Variants in STAM2 observed in about 807,000 individuals in gnomAD.
The protein encoded by STAM2 is signal transducing adapter molecule 2.
Under a neutral mutation model 65.6 loss-of-function variants are expected in STAM2, and 51 were observed. The observed-to-expected ratio is 0.78, with a 90% CI of 0.62 to 0.98. The LOEUF (loss-of-function observed/expected upper bound fraction) is 0.98, where lower values mean the gene tolerates loss of function less well. Among genes scored for constraint, STAM2 ranks in the 50% least tolerant of loss-of-function variants. The pLI, the probability that STAM2 is intolerant of heterozygous loss-of-function variation, is 0.00. For missense variants in STAM2, 584 were observed against 617.8 expected, an observed-to-expected ratio of 0.95 and a Z score of 0.58; for synonymous variants, 198 against 208.4, an observed-to-expected ratio of 0.95 and a Z score of 0.43.
chr2:152,134,381 A>C (rs1038965100), intron 8 of STAM2, among the ~76,000 whole-genome samples: 1 of 152,208 alleles, frequency 6.6e-6, no homozygotes, highest in Non-Finnish European at 1.5e-5. Flanking sequence ...TTTTAAAGGT[A>C]TCTCCAATAT....
intron 13 of STAM2, among the ~76,000 whole-genome samples, chr2:152,122,844 T>A (rs890114823): frequency 6.6e-6 from 1 of 152,124 alleles, no homozygotes; most frequent in East Asian, 1.9e-4. Context: ...AGCAGGCAGA[T>A]CCCTTGAGCT....
chr2:152,171,224 C>G (rs2105572201), intron 1 of STAM2, among the ~76,000 whole-genome samples: 2 of 151,820 alleles, frequency 1.3e-5, no homozygotes, highest in South Asian at 4.2e-4. Context: ...TTGAATGTTC[C>G]TTTCTTAAAA....
chr2:152,169,414 C>T (rs1424580049), intron 1 of STAM2, among the ~76,000 whole-genome samples: 1 of 152,000 alleles, frequency 6.6e-6, no homozygotes, highest in African/African-American at 2.4e-5. Context: ...GTAGCTCGGA[C>T]TACAGGTGCG....
chr2:152,147,018 C>T lies in STAM2; in HGVS notation c.447+144G>A, dbSNP rs1369941921. 5.4e-5 allele frequency: 37 copies of T among 683,316 alleles called. 1 individual carries two copies. Among genetic ancestry groups the T allele is most frequent in the Non-Finnish European group, 7.6e-5 (33 of 437,052 alleles). The allele number at this position is 683,316 out of a possible 1,614,324, so 42.3% of individuals were successfully genotyped here. ...CATAAAAACTAGAATGTCTACTAAA[C>T]GTAAGGAAGGCACTATGCTAGAGAG... On this transcript the variant is annotated intron_variant, in intron 5 of 13. Coordinates refer to ENST00000263904, the MANE Select transcript of STAM2 (RefSeq NM_005843.6).
At chr2:152,142,728 A>G (rs568030411) in intron 7 of STAM2, among the ~76,000 whole-genome samples, 219 of 152,316 alleles carry the variant, frequency 1.4e-3, no homozygotes, top group Non-Finnish European at 2.6e-3. Context: ...CTGTATTTCT[A>G]TCTATTCTCC....
chr2:152,123,862 T>C lies in STAM2; in HGVS notation c.1253A>G (p.Tyr418Cys). The change falls in exon 13 of 14, where the codon TAT (tyrosine) becomes TGT (cysteine). Residue 418 changes from tyrosine to cysteine, a missense_variant. Transcript: ENST00000263904. ...ACCAATTTGATCGGGTCCTAGGCTA[T>C]AGCTTTGGGCAACAGTTACTTGGTG... ...SIHQVTVAQS[Y>C]SLGPDQIGPL... The C allele has an allele frequency of 1.9e-6, 3 of 1,614,136 alleles. No homozygotes were observed. The highest frequency in any genetic ancestry group is 2.5e-6 in the Non-Finnish European group (3 of 1,179,986).
chr2:152,150,118 T>C, intron 2 of STAM2, 27 bp downstream of exon 2: 1 of 1,479,490 alleles, frequency 6.8e-7, no homozygotes, highest in Non-Finnish European at 9.4e-7. Flanking sequence ...TTCCTAGACA[T>C]TCACTGAGCA....
At chr2:152,171,744 G>C (rs984800358) in intron 1 of STAM2, among the ~76,000 whole-genome samples, 1 of 152,218 alleles carries the variant, frequency 6.6e-6, no homozygotes, top group African/African-American at 2.4e-5. Context: ...GAGTTTTGTA[G>C]AGGTAGAATT....
intron 6 of STAM2, 76 bp downstream of exon 6, chr2:152,144,812 C>G: frequency 8.0e-7 from 1 of 1,257,572 alleles, no homozygotes; most frequent in Non-Finnish European, 1.2e-6. Context: ...GCTGGGATTA[C>G]AGGCGTGAGC....
At position 152,148,017 on chromosome 2, in the gene STAM2, A is replaced by T. The variant is rs759093969; in HGVS notation, c.300+7T>A. 4.5e-5 allele frequency: 71 copies of T among 1,593,846 alleles called. No individual in the cohort carries two copies. In the South Asian group the frequency reaches 8.1e-4, roughly 18 times the overall value. On this transcript the variant is annotated splice_region_variant and intron_variant, in intron 4 of 13. Coordinates refer to ENST00000263904, the MANE Select transcript of STAM2 (RefSeq NM_005843.6). ...TGACTTAAAGTTCTTCTGTTTTTAA[A>T]ATTTACCTTATTTTTAATCACAGCA...
At chr2:152,156,666 ATATC>A (rs1026165159) in intron 1 of STAM2, among the ~76,000 whole-genome samples, 4 of 152,170 alleles carry the variant, frequency 2.6e-5, no homozygotes, top group Non-Finnish European at 5.9e-5. Flanking sequence ...AATTCCATCA[ATATC>A]TACCTACAAG....
Position 152,148,302 on chromosome 2 carries a change from T to TA in STAM2, c.126-3dup, listed in dbSNP as rs759745408. ...ATGGCTTTTAGGCAATCTTTCGCTC[T>TA]AAAAAAAAAAAGAGAGAGAGAGACA... On this transcript the variant is annotated splice_polypyrimidine_tract_variant and splice_region_variant and intron_variant, in intron 2 of 13. Transcript: ENST00000263904. The TA allele has an allele frequency of 0.047, 54,209 of 1,151,528 alleles. 3 individuals carry two copies. The highest frequency in any genetic ancestry group is 0.051 in the Non-Finnish European group (43,725 of 851,176). The allele number at this position is 1,151,528 out of a possible 1,614,324, so 71.3% of individuals were successfully genotyped here.
At chr2:152,126,718 CA>C (rs1337662215) in intron 11 of STAM2, among the ~76,000 whole-genome samples, 6 of 152,112 alleles carry the variant, frequency 3.9e-5, no homozygotes, top group Non-Finnish European at 5.9e-5. Context: ...GCAAACCCCC[CA>C]CGTTTTCTGT....
chr2:152,175,751 C>T lies in STAM2; in HGVS notation c.-109G>A, dbSNP rs1006500398. ...CCCTAGACCGCTCCGCTTCGGCCTC[C>T]GTCCCTGCACTTCCGCCACCGCACC... On this transcript the variant is annotated 5_prime_UTR_variant, in exon 1 of 14. Coordinates refer to ENST00000263904, the MANE Select transcript of STAM2 (RefSeq NM_005843.6). The T allele has an allele frequency of 4.2e-5, 50 of 1,200,256 alleles. No individual in the cohort carries two copies. Among genetic ancestry groups the T allele is most frequent in the Non-Finnish European group, 5.6e-5 (47 of 839,078 alleles). The allele number at this position is 1,200,256 out of a possible 1,614,324, so 74.4% of individuals were successfully genotyped here.
At chr2:152,162,781 T>C (rs923235084) in intron 1 of STAM2, among the ~76,000 whole-genome samples, 1 of 150,886 alleles carries the variant, frequency 6.6e-6, no homozygotes, top group Non-Finnish European at 1.5e-5. Flanking sequence ...AGCTGGGATA[T>C]AGGCGCACGC....
At chr2:152,153,053 ATAAAT>A (rs550853488) in intron 1 of STAM2, among the ~76,000 whole-genome samples, 3 of 152,232 alleles carry the variant, frequency 2.0e-5, no homozygotes, top group African/African-American at 4.8e-5. Context: ...GAGAAATAAA[ATAAAT>A]TAATTAAAGG....
chr2:152,149,938 G>C (rs13003423), intron 2 of STAM2, among the ~76,000 whole-genome samples: 35,509 of 152,124 alleles, frequency 0.23, 4,232 homozygotes, highest in Admixed American at 0.31. Context: ...GAAATCATGA[G>C]TTGGAGGAAG....
intron 1 of STAM2, among the ~76,000 whole-genome samples, chr2:152,155,840 A>T (rs1390274317): frequency 6.6e-6 from 1 of 152,202 alleles, no homozygotes; most frequent in African/African-American, 2.4e-5. Flanking sequence ...CATTTAGTGT[A>T]TCTGGAACCT....
At chr2:152,137,130 C>T (rs937782325) in intron 7 of STAM2, among the ~76,000 whole-genome samples, 5 of 151,900 alleles carry the variant, frequency 3.3e-5, no homozygotes, top group African/African-American at 4.8e-5. Context: ...TTAAGTGATC[C>T]GCCTGCCTCA....
Sources: gnomAD v4.1 joint callset for allele counts (sites outside exome capture counted in the v4.1 genomes callset) on GRCh38, gnomAD v4.1.1 for gene constraint, MANE v1.5 for transcripts, NCBI Gene and HGNC (gene_info 2026-07-23, HGNC 2026-07-21) for gene names.